Variants in PDZRN4 observed in about 807,000 individuals in gnomAD.
PDZRN4 encodes PDZ domain containing ring finger 4.
PDZRN4 carries 70 observed loss-of-function variants against 99.0 expected under a neutral mutation model. The ratio of observed to expected loss-of-function variants is 0.71; its 90% CI spans 0.58 to 0.86. PDZRN4 has a LOEUF of 0.86. Among genes scored for constraint, PDZRN4 ranks in the 40% least tolerant of loss-of-function variants. The pLI, the probability that PDZRN4 is intolerant of heterozygous loss-of-function variation, is 0.00. For synonymous variants in PDZRN4, 551 were observed against 501.6 expected (o/e 1.10, Z -1.32); for missense variants, 1,474 against 1,331.2 (o/e 1.11, Z -1.67).
chr12:41,458,727 G>A (rs751119110), intron 3 of PDZRN4, among the ~76,000 whole-genome samples: 9 of 152,094 alleles, frequency 5.9e-5, no homozygotes, highest in Non-Finnish European at 1.2e-4. Context: ...TGAGAAGGGT[G>A]GTATGTAAGA....
At chr12:41,414,759 T>A (rs1952429828) in intron 3 of PDZRN4, among the ~76,000 whole-genome samples, 1 of 152,266 alleles carries the variant, frequency 6.6e-6, no homozygotes, top group Middle Eastern at 3.4e-3. Context: ...TGGAAAAATA[T>A]AAAATGCTAC....
chr12:41,231,207 C>T (rs1358506153), intron 3 of PDZRN4, among the ~76,000 whole-genome samples: 1 of 152,040 alleles, frequency 6.6e-6, no homozygotes, highest in Non-Finnish European at 1.5e-5. Flanking sequence ...ACTTGATAAG[C>T]CCTTGAGCAG....
chr12:41,260,712 G>A (rs879627496), intron 3 of PDZRN4, among the ~76,000 whole-genome samples: 2 of 151,368 alleles, frequency 1.3e-5, no homozygotes, highest in Non-Finnish European at 3.0e-5. Flanking sequence ...TCTAGATAAG[G>A]TGATGCTATT....
intron 5 of PDZRN4, among the ~76,000 whole-genome samples, chr12:41,530,393 C>A (rs918940463): frequency 6.6e-6 from 1 of 152,046 alleles, no homozygotes; most frequent in African/African-American, 2.4e-5. Context: ...TCTTCTGAAA[C>A]CTGTATTTTT....
intron 3 of PDZRN4, among the ~76,000 whole-genome samples, chr12:41,460,545 G>A (rs1211263440): frequency 6.6e-6 from 1 of 152,206 alleles, no homozygotes; most frequent in African/African-American, 2.4e-5. Context: ...CTTGAAGGCA[G>A]GAGTATGGAG....
intron 3 of PDZRN4, among the ~76,000 whole-genome samples, chr12:41,463,642 G>A (rs1453619740): frequency 6.6e-6 from 1 of 152,072 alleles, no homozygotes; most frequent in East Asian, 1.9e-4. Context: ...ACTATAGGGT[G>A]ATCACCACAT....
intron 3 of PDZRN4, among the ~76,000 whole-genome samples, chr12:41,235,783 T>C (rs777678319): frequency 2.0e-5 from 3 of 152,220 alleles, no homozygotes; most frequent in Non-Finnish European, 4.4e-5. Context: ...ATGAAATGCA[T>C]AGATATGCAC....
intron 5 of PDZRN4, among the ~76,000 whole-genome samples, chr12:41,529,034 A>G (rs944179613): frequency 2.0e-5 from 3 of 152,168 alleles, no homozygotes; most frequent in Non-Finnish European, 4.4e-5. Flanking sequence ...GTTGAATTTC[A>G]TCCACTTTTT....
intron 3 of PDZRN4, among the ~76,000 whole-genome samples, chr12:41,290,241 T>TA (rs1186870495): frequency 6.6e-6 from 1 of 152,184 alleles, no homozygotes; most frequent in East Asian, 1.9e-4. Context: ...AGATTTTTAA[T>TA]AAAAAACTTT....
intron 5 of PDZRN4, among the ~76,000 whole-genome samples, chr12:41,551,440 C>A (rs981581303): frequency 6.6e-6 from 1 of 152,068 alleles, no homozygotes; most frequent in African/African-American, 2.4e-5. Context: ...CTTTCATAAT[C>A]TTTACACACA....
intron 3 of PDZRN4, among the ~76,000 whole-genome samples, chr12:41,318,586 T>C (rs1179207223): frequency 6.6e-6 from 1 of 152,188 alleles, no homozygotes; most frequent in Non-Finnish European, 1.5e-5. Context: ...CATAACATCA[T>C]CCACTGTGCC....
At chr12:41,521,399 T>C (rs1405481522) in intron 5 of PDZRN4, among the ~76,000 whole-genome samples, 1 of 152,006 alleles carries the variant, frequency 6.6e-6, no homozygotes, top group Non-Finnish European at 1.5e-5. Flanking sequence ...AGAAAGCTTG[T>C]TGGGAAAAAA....
intron 3 of PDZRN4, among the ~76,000 whole-genome samples, chr12:41,454,705 G>A (rs745367356): frequency 7.2e-5 from 11 of 152,190 alleles, no homozygotes; most frequent in Middle Eastern, 3.2e-3. Context: ...AGTTGGCTGT[G>A]GCCAAGCTGG....
At chr12:41,378,520 A>ATTTTTTTTTTTTTTTTTTTTTTT (rs71081733) in intron 3 of PDZRN4, among the ~76,000 whole-genome samples, 5 of 102,860 alleles carry the variant, frequency 4.9e-5, no homozygotes, top group African/African-American at 1.9e-4. Flanking sequence ...TCTGTCTTCA[A>ATTTTTTTTTTTTTTTTTTTTTTT]TTTTTTTTTT....
intron 3 of PDZRN4, among the ~76,000 whole-genome samples, chr12:41,235,023 TAA>T (rs1566381538): frequency 2.6e-5 from 4 of 152,136 alleles, no homozygotes; most frequent in Non-Finnish European, 5.9e-5. Flanking sequence ...GAAGGTTACC[TAA>T]ACACACAGTC....
chr12:41,514,202 T>C (rs1592092631), intron 5 of PDZRN4, among the ~76,000 whole-genome samples: 2 of 152,196 alleles, frequency 1.3e-5, no homozygotes, highest in South Asian at 4.1e-4. Context: ...CCAGTGTCTA[T>C]AAATAGGAGT....
chr12:41,272,607 T>C (rs1591992763), intron 3 of PDZRN4, among the ~76,000 whole-genome samples: 1 of 152,140 alleles, frequency 6.6e-6, no homozygotes, highest in East Asian at 1.9e-4. Flanking sequence ...AAGGCACTGG[T>C]GTGTTTAGTA....
chr12:41,319,595 G>C (rs1484851068), intron 3 of PDZRN4, among the ~76,000 whole-genome samples: 1 of 152,026 alleles, frequency 6.6e-6, no homozygotes, highest in Non-Finnish European at 1.5e-5. Context: ...TCCTTTCACT[G>C]AAAGGCAAAA....
chr12:41,375,300 G>A (rs1049637788), intron 3 of PDZRN4, among the ~76,000 whole-genome samples: 4 of 152,268 alleles, frequency 2.6e-5, no homozygotes, highest in Non-Finnish European at 5.9e-5. Flanking sequence ...TATTCAACGA[G>A]AGCCAATACA....
Sources: gnomAD v4.1 joint callset for allele counts (sites outside exome capture counted in the v4.1 genomes callset) on GRCh38, gnomAD v4.1.1 for gene constraint, MANE v1.5 for transcripts, NCBI Gene and HGNC (gene_info 2026-07-23, HGNC 2026-07-21) for gene names.